The following ADARB2 variants were observed in gnomAD, a reference collection of about 807,000 sequenced individuals.
The protein encoded by ADARB2 is adenosine deaminase RNA specific B2 (inactive), also known as inactive double-stranded RNA-specific editase B2.
Under a neutral mutation model 62.2 loss-of-function variants are expected in ADARB2, and 25 were observed. That is an observed-to-expected ratio of 0.40 (90% CI 0.29 to 0.56). ADARB2 has a LOEUF of 0.56. ADARB2 is among the 20% of genes least tolerant of loss of function. ADARB2 has a pLI of 0.43. For missense variants in ADARB2, 1,071 were observed against 1,077.4 expected (o/e 0.99, Z 0.08); for synonymous variants, 572 against 500.8 (o/e 1.14, Z -1.90).
chr10:1,720,583 A>C (rs1008003688), intron 1 of ADARB2, among the ~76,000 whole-genome samples: 3 of 152,228 alleles, frequency 2.0e-5, no homozygotes, highest in African/African-American at 7.2e-5. Flanking sequence ...TGGCAAAAAA[A>C]ATTGCCAAAA....
At chr10:1,484,124 T>C (rs1831514080) in intron 1 of ADARB2, among the ~76,000 whole-genome samples, 1 of 152,240 alleles carries the variant, frequency 6.6e-6, no homozygotes, top group African/African-American at 2.4e-5. Flanking sequence ...AATTTCCTGC[T>C]AGCTTCAGTC....
chr10:1,716,018 C>T (rs1021872690), intron 1 of ADARB2, among the ~76,000 whole-genome samples: 7 of 152,176 alleles, frequency 4.6e-5, no homozygotes, highest in East Asian at 1.9e-4. Context: ...CCCTCCCGCC[C>T]GCTGAGTCAG....
At chr10:1,668,759 A>G (rs1255833671) in intron 1 of ADARB2, among the ~76,000 whole-genome samples, 1 of 152,244 alleles carries the variant, frequency 6.6e-6, no homozygotes, top group African/African-American at 2.4e-5. Flanking sequence ...TATGTTTCAC[A>G]TATTTATTAA....
chr10:1,475,179 G>T lies in ADARB2; in HGVS notation c.101-96019C>A, dbSNP rs867689858. On this transcript the variant is annotated intron_variant, in intron 1 of 9. Coordinates refer to ENST00000381312, the MANE Select transcript of ADARB2 (RefSeq NM_018702.4). ...TCCGGCACTCAGGAGCCCCCCCGGG[G>T]CAGGAGGGGCCTCTTCCTCCCAGAC... is the stretch of plus-strand genomic sequence containing the variant. Among the ~76,000 whole-genome samples, 87 of 152,338 alleles carry T rather than the reference G, an allele frequency of 5.7e-4. 1 individual carries two copies. The highest frequency in any genetic ancestry group is 1.8e-3 in the African/African-American group (73 of 41,586).
At chr10:1,494,959 G>A (rs908016274) in intron 1 of ADARB2, among the ~76,000 whole-genome samples, 1 of 152,118 alleles carries the variant, frequency 6.6e-6, no homozygotes. Flanking sequence ...AAGATTTAAA[G>A]ATTTTTCTAG....
intron 1 of ADARB2, among the ~76,000 whole-genome samples, chr10:1,483,525 A>AT (rs145167073): frequency 0.011 from 1,663 of 151,536 alleles, 14 homozygotes; most frequent in Non-Finnish European, 0.018. Context: ...TTTCAAGAGC[A>AT]TTTTTTTTTC....
chr10:1,394,673 A>G (rs965588470), intron 1 of ADARB2, among the ~76,000 whole-genome samples: 2 of 152,178 alleles, frequency 1.3e-5, no homozygotes, highest in Non-Finnish European at 2.9e-5. Flanking sequence ...AGTCAGGCCC[A>G]CTGGGCTCCC....
At chr10:1,403,657 C>A (rs144204734) in intron 1 of ADARB2, among the ~76,000 whole-genome samples, 1 of 152,150 alleles carries the variant, frequency 6.6e-6, no homozygotes, top group Non-Finnish European at 1.5e-5. Flanking sequence ...TGGCCCCGGG[C>A]GTAGCTGATC....
At position 1,182,118 on chromosome 10, in the gene ADARB2, G is replaced by A. The variant is rs550123591; in HGVS notation, c.*1075C>T. 7.2e-5 allele frequency: 11 copies of A among 152,194 alleles called. No individual in the cohort carries two copies. The highest frequency in any genetic ancestry group is 2.4e-4 in the African/African-American group (10 of 41,448). The allele number at this position is 152,194 out of a possible 1,614,324, so 9.4% of individuals were successfully genotyped here. A position where few individuals can be genotyped will look rare whatever the true frequency, so the allele number is the denominator to read the frequency against. On this transcript the variant is annotated 3_prime_UTR_variant, in exon 10 of 10. Coordinates refer to ENST00000381312, the MANE Select transcript of ADARB2 (RefSeq NM_018702.4). ...GGAGAATCTGAAAGAATAGAGAGCT[G>A]GTAGCCTCTCAAGCTGAAGGTAAAG...
intron 1 of ADARB2, among the ~76,000 whole-genome samples, chr10:1,559,899 C>T (rs1362288982): frequency 2.0e-5 from 3 of 152,326 alleles, no homozygotes; most frequent in Admixed American, 1.3e-4. Context: ...TTCTCAGAAG[C>T]GTGTCCTCAC....
chr10:1,403,614 C>A (rs2805526), intron 1 of ADARB2, among the ~76,000 whole-genome samples: 123,866 of 152,078 alleles, frequency 0.81, 50,606 homozygotes, highest in Middle Eastern at 0.87. Context: ...ACGTGAGGGG[C>A]CCGGCAGCTG....
chr10:1,417,356 A>T (rs573158318), intron 1 of ADARB2, among the ~76,000 whole-genome samples: 3 of 152,052 alleles, frequency 2.0e-5, no homozygotes, highest in Non-Finnish European at 4.4e-5. Context: ...ATGGTCAGGA[A>T]GTCGGTCAGG....
chr10:1,566,383 GTT>G (rs956178330), intron 1 of ADARB2, among the ~76,000 whole-genome samples: 1 of 152,156 alleles, frequency 6.6e-6, no homozygotes, highest in African/African-American at 2.4e-5. Flanking sequence ...CTAAGAAATT[GTT>G]TTTTCTCTTT....
intron 4 of ADARB2, among the ~76,000 whole-genome samples, chr10:1,243,707 C>T (rs1351350840): frequency 6.6e-6 from 1 of 152,238 alleles, no homozygotes; most frequent in African/African-American, 2.4e-5. Context: ...CAGCAGCATC[C>T]TTGCCCCCAT....
chr10:1,706,902 T>TGTTGGGCAGGAAGTAGGGTTTC (rs1198669831), intron 1 of ADARB2, among the ~76,000 whole-genome samples: 5 of 17,722 alleles, frequency 2.8e-4, no homozygotes, highest in African/African-American at 4.8e-4. Flanking sequence ...GTGGGGTTTT[T>TGTTGGGCAGGAAGTAGGGTTTC]GTTGGGCAGG....
intron 4 of ADARB2, among the ~76,000 whole-genome samples, chr10:1,253,941 T>C (rs779847025): frequency 2.0e-5 from 3 of 150,726 alleles, no homozygotes; most frequent in African/African-American, 4.9e-5. Context: ...TGCGATGGGC[T>C]CTGGGTTAGG....
intron 1 of ADARB2, chr10:1,395,023 G>T (rs948110683): frequency 3.1e-5 from 14 of 452,918 alleles, no homozygotes; most frequent in Non-Finnish European, 6.2e-5. Context: ...GGGCTCAGTT[G>T]ATCCTGCCTC....
chr10:1,406,724 G>T (rs1043046398), intron 1 of ADARB2, among the ~76,000 whole-genome samples: 1 of 152,244 alleles, frequency 6.6e-6, no homozygotes, highest in African/African-American at 2.4e-5. Context: ...GAGTGCCAGG[G>T]TGGATCTGGG....
At chr10:1,719,020 G>A (rs1374562511) in intron 1 of ADARB2, among the ~76,000 whole-genome samples, 2 of 152,092 alleles carry the variant, frequency 1.3e-5, no homozygotes, top group African/African-American at 4.8e-5. Flanking sequence ...GAGTGCAGTG[G>A]CGTGATGTCA....
Sources: allele counts gnomAD v4.1 joint callset (sites outside exome capture counted in the v4.1 genomes callset), GRCh38; gene constraint gnomAD v4.1.1; transcripts MANE v1.5; gene names NCBI Gene and HGNC (gene_info 2026-07-23, HGNC 2026-07-21).